Variants in ANO4 observed in about 807,000 individuals in gnomAD.
ANO4 encodes the protein anoctamin-4.
In ANO4, 69 loss-of-function variants were observed where a neutral mutation model predicts 141.9. The observed-to-expected ratio is 0.49, with a 90% CI of 0.40 to 0.59. The LOEUF is 0.59. ANO4 is among the 20% of genes least tolerant of loss of function. The pLI, the probability that ANO4 is intolerant of heterozygous loss-of-function variation, is 0.00. For synonymous variants in ANO4, 350 were observed against 394.3 expected (o/e 0.89, Z 1.33); for missense variants, 894 against 1,162.2 (o/e 0.77, Z 3.36).
chr12:101,106,573 G>GTGTGTATA (rs1555303963), intron 22 of ANO4, among the ~76,000 whole-genome samples: 3 of 138,604 alleles, frequency 2.2e-5, no homozygotes, highest in African/African-American at 7.8e-5. Context: ...GTGTGTGTGT[G>GTGTGTATA]TATATATATA....
At chr12:100,856,128 G>A (rs1418331000) in intron 1 of ANO4, among the ~76,000 whole-genome samples, 1 of 152,152 alleles carries the variant, frequency 6.6e-6, no homozygotes, top group Non-Finnish European at 1.5e-5. Context: ...AATCGATGGT[G>A]TGGCTGGAAC....
chr12:100,828,687 G>A (rs2036487377), intron 1 of ANO4, among the ~76,000 whole-genome samples: 1 of 151,992 alleles, frequency 6.6e-6, no homozygotes, highest in Non-Finnish European at 1.5e-5. Flanking sequence ...TCAGATAAAA[G>A]CAAAGGGTGG....
At chr12:100,872,671 C>G (rs1481093559) in intron 1 of ANO4, among the ~76,000 whole-genome samples, 2 of 152,140 alleles carry the variant, frequency 1.3e-5, no homozygotes, top group African/African-American at 4.8e-5. Context: ...CTGCTTTTTA[C>G]TTTATATTTC....
At chr12:100,735,101 C>T (rs937492869) in intron 2 of ANO4, among the ~76,000 whole-genome samples, 2 of 152,092 alleles carry the variant, frequency 1.3e-5, no homozygotes, top group African/African-American at 4.8e-5. Context: ...AGTTCAACCC[C>T]CTGTGAAATC....
chr12:100,884,141 G>A (rs967081043), intron 1 of ANO4, among the ~76,000 whole-genome samples: 1 of 152,150 alleles, frequency 6.6e-6, no homozygotes, highest in Admixed American at 6.5e-5. Context: ...TGTTGTTTCT[G>A]TTTTTCAAAC....
At chr12:101,013,912 A>G (rs1418007120) in intron 8 of ANO4, among the ~76,000 whole-genome samples, 5 of 152,230 alleles carry the variant, frequency 3.3e-5, no homozygotes, top group African/African-American at 4.8e-5. Flanking sequence ...TAGGAAAAAA[A>G]GAAAGTTACC....
At chr12:100,806,468 C>T (rs1317907218) in intron 1 of ANO4, among the ~76,000 whole-genome samples, 2 of 149,908 alleles carry the variant, frequency 1.3e-5, no homozygotes, top group Non-Finnish European at 3.0e-5. Flanking sequence ...CTTTGCAGGC[C>T]CACTTTCAAC....
chr12:100,904,285 C>T (rs902866327), intron 2 of ANO4, among the ~76,000 whole-genome samples: 1 of 151,760 alleles, frequency 6.6e-6, no homozygotes, highest in African/African-American at 2.4e-5. Flanking sequence ...GTAGTAGCTG[C>T]AAGAGATAAT....
intron 1 of ANO4, among the ~76,000 whole-genome samples, chr12:100,824,539 ACT>A (rs1381881474): frequency 6.6e-6 from 1 of 152,042 alleles, no homozygotes; most frequent in Non-Finnish European, 1.5e-5. Flanking sequence ...TGACTTCCAG[ACT>A]CAGGGTACAG....
intron 8 of ANO4, among the ~76,000 whole-genome samples, chr12:100,993,050 G>A (rs767595052): frequency 8.6e-5 from 13 of 152,026 alleles, no homozygotes; most frequent in Non-Finnish European, 1.5e-4. Context: ...CTAGCAGGGC[G>A]TGGTGGTGCA....
At chr12:100,952,743 C>T (rs967872256) in intron 5 of ANO4, among the ~76,000 whole-genome samples, 9 of 152,126 alleles carry the variant, frequency 5.9e-5, no homozygotes, top group African/African-American at 2.2e-4. Flanking sequence ...TCCCTCCCTC[C>T]CTTAGTCTTA....
Position 100,961,042 on chromosome 12 carries a change from A to G in ANO4, c.457-10264A>G, listed in dbSNP as rs555956803. On this transcript the variant is annotated intron_variant, in intron 5 of 27. Transcript: ENST00000392977. The stretch of plus-strand genomic sequence containing the variant: ...ATAGATAGTAGACCAACCTCTGTTC[A>G]TACTAATTACATTATTTATAATTAG... 3.0e-4 allele frequency among the ~76,000 whole-genome samples: 45 copies of G among 152,344 alleles called. No homozygotes were observed. The South Asian group carries it at 9.1e-3, about 31-fold the overall frequency.
At chr12:101,034,633 G>A (rs989031148) in intron 9 of ANO4, among the ~76,000 whole-genome samples, 27 of 152,114 alleles carry the variant, frequency 1.8e-4, no homozygotes, top group Admixed American at 1.1e-3. Context: ...GATAAGAGAA[G>A]CCACACATTA....
intron 1 of ANO4, among the ~76,000 whole-genome samples, chr12:100,828,880 C>T (rs1420541394): frequency 2.6e-5 from 4 of 151,860 alleles, no homozygotes; most frequent in East Asian, 1.9e-4. Flanking sequence ...TTTAGCTGGG[C>T]ATGGTGGCAT....
At position 101,111,679 on chromosome 12, in the gene ANO4, C is replaced by A; in HGVS notation, c.2419C>A (p.Pro807Thr). Residue 807 changes from proline (P) to threonine (T), a missense_variant, in exon 24 of 28, where the codon CCT becomes ACT. Pro to Thr is a conservative substitution (Grantham distance 38). Around this residue, in one of 2 missense-constraint regions of ANO4, gnomAD observed 637 missense variants for 909.2 expected, o/e 0.70. Transcript: ENST00000392977. ...PRLVYAYKYG[P>T]CAGQGEAGQK... ...CTTGGTGTATGCTTATAAGTATGGA[C>A]CTTGTGCAGGCCAAGGAGAAGCTGG... 3.1e-6 allele frequency: 5 copies of A among 1,608,024 alleles called. No individual in the cohort carries two copies. Among genetic ancestry groups the A allele is most frequent in the Non-Finnish European group, 4.2e-6 (5 of 1,177,622 alleles).
intron 1 of ANO4, among the ~76,000 whole-genome samples, chr12:100,798,980 C>A (rs1445160816): frequency 6.6e-6 from 1 of 152,164 alleles, no homozygotes; most frequent in Non-Finnish European, 1.5e-5. Flanking sequence ...TCCTGTTGGT[C>A]CCCCACAGGG....
At chr12:100,813,131 G>A (rs1478648099) in intron 1 of ANO4, among the ~76,000 whole-genome samples, 1 of 152,204 alleles carries the variant, frequency 6.6e-6, no homozygotes, top group Non-Finnish European at 1.5e-5. Context: ...AGTGTCAAAT[G>A]AAAGCTGGTA....
At chr12:101,003,254 C>T (rs979393347) in intron 8 of ANO4, among the ~76,000 whole-genome samples, 1 of 152,224 alleles carries the variant, frequency 6.6e-6, no homozygotes, top group Non-Finnish European at 1.5e-5. Flanking sequence ...TGAGGCTTTG[C>T]CTCACATGAT....
chr12:100,879,488 C>T (rs576103256), intron 1 of ANO4, among the ~76,000 whole-genome samples: 15 of 152,268 alleles, frequency 9.9e-5, no homozygotes, highest in African/African-American at 3.6e-4. Flanking sequence ...GAGAGCAGAT[C>T]TTCCTCTTTT....
Sources: gnomAD v4.1 joint callset for allele counts (sites outside exome capture counted in the v4.1 genomes callset) on GRCh38, gnomAD v4.1.1 for gene constraint, gnomAD v4.1.1 regional missense constraint, MANE v1.5 for transcripts, NCBI Gene and HGNC (gene_info 2026-07-23, HGNC 2026-07-21) for gene names.